The following ASAP1 variants were observed in gnomAD, a reference collection of about 807,000 sequenced individuals.
ASAP1 encodes arf-GAP with SH3 domain, ANK repeat and PH domain-containing protein 1.
Under a neutral mutation model 145.2 loss-of-function variants are expected in ASAP1, and 43 were observed. The observed-to-expected ratio is 0.30, with a 90% confidence interval of 0.23 to 0.38. The LOEUF is 0.38. Among genes scored for constraint, ASAP1 ranks in the 10% least tolerant of loss-of-function variants. The pLI, the probability that ASAP1 is intolerant of heterozygous loss-of-function variation, is 1.00. For missense variants in ASAP1, 1,018 were observed against 1,355.3 expected, an observed-to-expected ratio of 0.75 and a Z score of 3.91; for synonymous variants, 546 against 515.5, an observed-to-expected ratio of 1.06 and a Z score of -0.80.
chr8:130,342,904 C>G (rs1241866300), intron 3 of ASAP1, among the ~76,000 whole-genome samples: 6 of 152,286 alleles, frequency 3.9e-5, no homozygotes, highest in Non-Finnish European at 8.8e-5. Context: ...CCCTACTTCT[C>G]TGCCAAGTGT....
At chr8:130,344,313 C>T (rs752149011) in intron 3 of ASAP1, among the ~76,000 whole-genome samples, 22 of 151,636 alleles carry the variant, frequency 1.5e-4, no homozygotes, top group Non-Finnish European at 2.6e-4. Context: ...ATTTGAACAG[C>T]GACTGAATAT....
At chr8:130,392,850 CAG>C (rs1828347199) in intron 2 of ASAP1, among the ~76,000 whole-genome samples, 1 of 152,066 alleles carries the variant, frequency 6.6e-6, no homozygotes, top group South Asian at 2.1e-4. Flanking sequence ...CGGGAACTAA[CAG>C]AGTGAGAACT....
chr8:130,177,893 C>T (rs1814076675), intron 9 of ASAP1, among the ~76,000 whole-genome samples: 1 of 152,184 alleles, frequency 6.6e-6, no homozygotes. Context: ...TCACTTTTTA[C>T]AGCCTTACAA....
intron 18 of ASAP1, among the ~76,000 whole-genome samples, chr8:130,119,406 A>G (rs1453624746): frequency 2.0e-5 from 3 of 152,226 alleles, no homozygotes; most frequent in Non-Finnish European, 4.4e-5. Context: ...AACATGCCCA[A>G]AGTCTGAAAG....
Position 130,167,558 on chromosome 8 carries a change from G to A in ASAP1, c.887C>T (p.Ser296Phe). ...LTALRDLIKS[S>F]LQLDQKEDSQ... ...TACTTCTTTCTGATCCAGTTGAAGA[G>A]AGGATTTTATTAAGTCTCGGAGTGC... Residue 296 changes from serine (S) to phenylalanine (F), a missense_variant, in exon 11 of 30, where the codon TCT (serine) becomes TTT (phenylalanine). Ser to Phe is a radical substitution (Grantham distance 155). Around this residue, in one of 9 missense-constraint regions of ASAP1, gnomAD observed 62 missense variants for 68.5 expected, o/e 0.90. Coordinates refer to ENST00000518721, the MANE Select transcript of ASAP1 (RefSeq NM_018482.4). 1 of 1,613,794 alleles carries A rather than the reference G, an allele frequency of 6.2e-7. No individual in the cohort carries two copies. The highest frequency in any genetic ancestry group is 8.5e-7 in the Non-Finnish European group (1 of 1,179,770).
chr8:130,112,577 G>A (rs2097548626), intron 23 of ASAP1, among the ~76,000 whole-genome samples: 1 of 152,224 alleles, frequency 6.6e-6, no homozygotes, highest in African/African-American at 2.4e-5. Context: ...AGTGTCAGAA[G>A]CACAGTAAGG....
At chr8:130,395,046 G>A (rs2138515635) in intron 2 of ASAP1, among the ~76,000 whole-genome samples, 1 of 152,294 alleles carries the variant, frequency 6.6e-6, no homozygotes, top group Admixed American at 6.5e-5. Flanking sequence ...AAGGACAGTA[G>A]CAAGAAAGAG....
At chr8:130,299,194 G>A (rs1252757115) in intron 3 of ASAP1, among the ~76,000 whole-genome samples, 2 of 152,090 alleles carry the variant, frequency 1.3e-5, no homozygotes, top group African/African-American at 2.4e-5. Context: ...CAGTGGCAAC[G>A]ACAGAGGCTG....
At chr8:130,300,899 T>C (rs1042876875) in intron 3 of ASAP1, among the ~76,000 whole-genome samples, 1 of 152,100 alleles carries the variant, frequency 6.6e-6, no homozygotes, top group Middle Eastern at 3.2e-3. Flanking sequence ...ATGATTAATC[T>C]CTAAGAAGGG....
intron 29 of ASAP1, among the ~76,000 whole-genome samples, chr8:130,055,978 T>C (rs1381409811): frequency 2.0e-5 from 3 of 152,216 alleles, no homozygotes; most frequent in African/African-American, 4.8e-5. Context: ...AGGCACGTAA[T>C]GGTGGCACAC....
At chr8:130,421,523 G>A (rs1370200235) in intron 1 of ASAP1, among the ~76,000 whole-genome samples, 4 of 152,198 alleles carry the variant, frequency 2.6e-5, no homozygotes, top group Admixed American at 2.0e-4. Flanking sequence ...AATGTTGCAT[G>A]CCATTCTTCA....
At chr8:130,091,710 C>T (rs2097505814) in intron 25 of ASAP1, among the ~76,000 whole-genome samples, 1 of 152,210 alleles carries the variant, frequency 6.6e-6, no homozygotes. Context: ...ACTAATAATA[C>T]CTACCTCACA....
chr8:130,306,923 C>T (rs367609896), intron 3 of ASAP1, among the ~76,000 whole-genome samples: 67 of 152,350 alleles, frequency 4.4e-4, no homozygotes, highest in African/African-American at 1.5e-3. Context: ...CCACCCAGGT[C>T]TGAGTGTCTG....
At chr8:130,167,354 A>T (rs955464343) in intron 11 of ASAP1, 182 bp downstream of exon 11, 6 of 745,926 alleles carry the variant, frequency 8.0e-6, no homozygotes, top group Admixed American at 5.5e-5. Context: ...GGATACCCAG[A>T]ACATCTTTCC....
intron 3 of ASAP1, among the ~76,000 whole-genome samples, chr8:130,318,288 C>T (rs2137624895): frequency 6.6e-6 from 1 of 152,196 alleles, no homozygotes; most frequent in South Asian, 2.1e-4. Context: ...CACTATGTTG[C>T]CCAGGCTGGT....
intron 4 of ASAP1, among the ~76,000 whole-genome samples, chr8:130,231,245 G>A (rs1016088693): frequency 6.6e-6 from 1 of 152,138 alleles, no homozygotes; most frequent in Non-Finnish European, 1.5e-5. Flanking sequence ...AAAGGAATGG[G>A]AGACAAAAAT....
At chr8:130,312,493 C>T (rs1407647522) in intron 3 of ASAP1, among the ~76,000 whole-genome samples, 1 of 152,030 alleles carries the variant, frequency 6.6e-6, no homozygotes, top group African/African-American at 2.4e-5. Flanking sequence ...AAAAAAAATA[C>T]TGCAACCCGT....
At chr8:130,152,510 G>A (rs750680021) in intron 13 of ASAP1, 14 of 357,360 alleles carry the variant, frequency 3.9e-5, no homozygotes, top group Admixed American at 9.1e-5. Context: ...TCAAAATACC[G>A]TATTCATTTT....
At chr8:130,185,738 AAAAAAAAAAAGAAAAAGAAAAAG>A (rs1270533877) in intron 7 of ASAP1, among the ~76,000 whole-genome samples, 2 of 151,124 alleles carry the variant, frequency 1.3e-5, no homozygotes, top group Non-Finnish European at 3.0e-5. Context: ...TCAAAAAAAA[AAAAAAAAAAAGAAAAAGAAAAAG>A]AAAAAAAAAG....
Sources: allele counts gnomAD v4.1 joint callset (sites outside exome capture counted in the v4.1 genomes callset), GRCh38; gene constraint gnomAD v4.1.1; regional missense constraint gnomAD v4.1.1; transcripts MANE v1.5; gene names NCBI Gene and HGNC (gene_info 2026-07-23, HGNC 2026-07-21).